MAP3K13: variants seen among roughly 807,000 people sequenced by gnomAD.
MAP3K13 encodes the protein leucine zipper-bearing kinase.
In MAP3K13, 52 loss-of-function variants were observed where a neutral mutation model predicts 104.0. The ratio of observed to expected loss-of-function variants is 0.50; its 90% CI spans 0.40 to 0.63. The LOEUF (loss-of-function observed/expected upper bound fraction) is 0.63, where lower values mean the gene tolerates loss of function less well. MAP3K13 is among the 20% of genes least tolerant of loss of function. MAP3K13 has a pLI of 0.00. For missense variants in MAP3K13, 914 were observed against 1,218.5 expected, an observed-to-expected ratio of 0.75 and a Z score of 3.72; for synonymous variants, 394 against 442.2, an observed-to-expected ratio of 0.89 and a Z score of 1.37.
At chr3:185,380,453 G>A in intron 1 of MAP3K13, among the ~76,000 whole-genome samples, 1 of 148,212 alleles carries the variant, frequency 6.7e-6, no homozygotes. Flanking sequence ...AGAGGTTGCA[G>A]TGAGCCGAGA....
chr3:185,480,621 A>G (rs756023572), intron 13 of MAP3K13, 92 bp downstream of exon 13: 27 of 1,311,638 alleles, frequency 2.1e-5, no homozygotes, highest in Non-Finnish European at 2.6e-5. Flanking sequence ...TCATTTAATA[A>G]TAAGATACAA....
At chr3:185,480,609 T>G (rs750390084) in intron 13 of MAP3K13, 80 bp downstream of exon 13, 35 of 1,406,322 alleles carry the variant, frequency 2.5e-5, no homozygotes, top group Non-Finnish European at 3.4e-5. Context: ...CCTTTACAAT[T>G]TTCATTTAAT....
At chr3:185,444,151 G>A (rs1251610817) in intron 4 of MAP3K13, among the ~76,000 whole-genome samples, 3 of 151,902 alleles carry the variant, frequency 2.0e-5, no homozygotes, top group Non-Finnish European at 2.9e-5. Context: ...CCTGACCAAC[G>A]TGGTGAAACC....
In MAP3K13 at chr3:185,474,367, A is replaced by C. The variant is rs549086885; in HGVS notation, c.2430+606A>C. On this transcript the variant is annotated intron_variant, in intron 11 of 13. Transcript: ENST00000265026. The stretch of plus-strand genomic sequence containing the variant: ...AAAAAACTATATAGTGGGGATATGT[A>C]ATCAAAATAGTTTGGAAACTACTAT... 1.5e-4 allele frequency among the ~76,000 whole-genome samples: 23 copies of C among 152,176 alleles called. 1 individual carries two copies. The South Asian group carries it at 4.8e-3, about 32-fold the overall frequency.
chr3:185,391,485 T>C (rs1712049874), intron 1 of MAP3K13, among the ~76,000 whole-genome samples: 1 of 152,224 alleles, frequency 6.6e-6, no homozygotes, highest in African/African-American at 2.4e-5. Flanking sequence ...CCTAAATAAA[T>C]ATCAGTTAAT....
At chr3:185,350,745 G>C (rs1723110665) in intron 2 of MAP3K13, among the ~76,000 whole-genome samples, 1 of 152,158 alleles carries the variant, frequency 6.6e-6, no homozygotes, top group South Asian at 2.1e-4. Flanking sequence ...ACAGAGAAAA[G>C]GGAACGTGTA....
intron 1 of MAP3K13, among the ~76,000 whole-genome samples, chr3:185,380,049 G>C (rs111492638): frequency 0.012 from 1,820 of 152,138 alleles, 35 homozygotes; most frequent in African/African-American, 0.042. Context: ...AGCCGGGCAT[G>C]ATGGCAGGTG....
rs779925776 is a variant in MAP3K13, at chr3:185,428,729, G to A, written c.148G>A (p.Gly50Arg). 3 of 1,614,072 alleles carry A rather than the reference G, an allele frequency of 1.9e-6. No homozygotes were observed. Among genetic ancestry groups the A allele is most frequent in the Non-Finnish European group, 8.5e-7 (1 of 1,180,044 alleles). Residue 50 changes from glycine (G) to arginine (R), a missense_variant, in exon 2 of 14, where the codon GGG becomes AGG. Transcript: ENST00000265026. ...PKLLEDQQEK[G>R]MVRTELIESV... ...GCTGCTCGAGGACCAGCAGGAAAAG[G>A]GGATGGTACGAACAGAGCTAATCGA...
At position 185,473,542 on chromosome 3, in the gene MAP3K13, A is replaced by G; in HGVS notation, c.2211A>G (p.Pro737=). The part of the protein sequence containing the change: ...DAYDPCLQCR[P]EQYGSLDIPS... ...ATGACCCCTGCCTTCAGTGCAGGCCAGAACAGTATGGGTCCTTAGACATAC... is the reference window on the plus strand; with the variant it reads ...ATGACCCCTGCCTTCAGTGCAGGCCGGAACAGTATGGGTCCTTAGACATAC... Residue 737 remains proline, a synonymous_variant, in exon 11 of 14, where the codon CCA becomes CCG. Transcript: ENST00000265026. The surrounding 1 kb of genome is among the most constrained non-coding windows in gnomAD (Gnocchi z 4.9). The G allele has an allele frequency of 6.2e-7, 1 of 1,614,202 alleles. No individual in the cohort carries two copies. The highest frequency in any genetic ancestry group is 2.2e-5 in the East Asian group (1 of 44,884).
Position 185,455,821 on chromosome 3 carries a change from GATATATATGAGAT to G in MAP3K13, c.1278+4446_1278+4458del, listed in dbSNP as rs1363048666. Among the ~76,000 whole-genome samples the G allele has an allele frequency of 2.1e-4, 21 of 101,024 alleles. 1 individual carries two copies. In the Middle Eastern group the frequency reaches 0.021, roughly 99 times the overall value. The allele number at this position is 101,024 out of a possible 152,430, so 66.3% of individuals were successfully genotyped here. On this transcript the variant is annotated intron_variant, in intron 7 of 13. Coordinates refer to ENST00000265026, the MANE Select transcript of MAP3K13 (RefSeq NM_004721.5). ...TGAGATATATGAGATATATATATGA[GATATATATGAGAT>G]ATATATATGAGATATATATGAGATA... is the stretch of plus-strand genomic sequence containing the variant.
In MAP3K13 at chr3:185,431,063, C is replaced by G. The variant is rs373033261; in HGVS notation, c.475+2007C>G. Among the ~76,000 whole-genome samples, 469 of 152,214 alleles carry G rather than the reference C, an allele frequency of 3.1e-3. 3 individuals carry two copies. Among genetic ancestry groups the G allele is most frequent in the African/African-American group, 0.01 (426 of 41,546 alleles). ...AGAAGGGGCAAGGGCCACACATTTTCAAACAACCAGATCTCGTGAGCACTC... is the reference window on the plus strand; with the variant it reads ...AGAAGGGGCAAGGGCCACACATTTTGAAACAACCAGATCTCGTGAGCACTC... On this transcript the variant is annotated intron_variant, in intron 2 of 13. Transcript: ENST00000265026.
chr3:185,301,440 ATGTAAGTT>A, intron 2 of MAP3K13, among the ~76,000 whole-genome samples: 2 of 152,054 alleles, frequency 1.3e-5, no homozygotes, highest in East Asian at 3.9e-4. Context: ...CCTTTGCTGC[ATGTAAGTT>A]TGTAAGTTCG....
chr3:185,446,755 C>A (rs1195836358), intron 4 of MAP3K13, among the ~76,000 whole-genome samples: 1 of 152,232 alleles, frequency 6.6e-6, no homozygotes, highest in African/African-American at 2.4e-5. Flanking sequence ...TGGTCTCATT[C>A]ATGATATTAG....
chr3:185,306,978 A>G (rs1721309290), intron 2 of MAP3K13, among the ~76,000 whole-genome samples: 1 of 152,170 alleles, frequency 6.6e-6, no homozygotes, highest in South Asian at 2.1e-4. Flanking sequence ...TCTGATTGGC[A>G]GTTTTTTCTT....
chr3:185,461,090 A>G (rs1220393615), intron 7 of MAP3K13, among the ~76,000 whole-genome samples: 2 of 152,182 alleles, frequency 1.3e-5, no homozygotes, highest in African/African-American at 2.4e-5. Context: ...CTCCTGCTCC[A>G]TGACTTTGAT....
chr3:185,413,184 AC>A (rs1473800228), intron 1 of MAP3K13, among the ~76,000 whole-genome samples: 2 of 152,230 alleles, frequency 1.3e-5, no homozygotes, highest in African/African-American at 4.8e-5. Flanking sequence ...ATGGTTGCAA[AC>A]CTGTCATATT....
intron 1 of MAP3K13, among the ~76,000 whole-genome samples, chr3:185,387,436 C>T (rs985142080): frequency 2.0e-5 from 3 of 152,076 alleles, no homozygotes; most frequent in Non-Finnish European, 2.9e-5. Context: ...AGCCTAATGC[C>T]CTCACCAGAT....
At chr3:185,391,813 A>G (rs1010713469) in intron 1 of MAP3K13, among the ~76,000 whole-genome samples, 20 of 152,176 alleles carry the variant, frequency 1.3e-4, no homozygotes, top group Non-Finnish European at 7.3e-5. Flanking sequence ...TGGCCATTCT[A>G]TGGAACTGTT....
chr3:185,385,463 A>G (rs1711633684), intron 1 of MAP3K13, among the ~76,000 whole-genome samples: 1 of 152,196 alleles, frequency 6.6e-6, no homozygotes, highest in South Asian at 2.1e-4. Context: ...GGGAACCACC[A>G]TGCCTGGCTG....
Sources: allele counts gnomAD v4.1 joint callset (sites outside exome capture counted in the v4.1 genomes callset), GRCh38; gene constraint gnomAD v4.1.1; non-coding constraint Gnocchi (gnomAD v3.1); transcripts MANE v1.5; gene names NCBI Gene and HGNC (gene_info 2026-07-23, HGNC 2026-07-21).